FZR1: variants seen among roughly 807,000 people sequenced by gnomAD.
FZR1 encodes fizzy and cell division cycle 20 related 1.
A neutral mutation model predicts 63.6 loss-of-function variants in FZR1; 11 were observed. The observed-to-expected ratio is 0.17, with a 90% CI of 0.11 to 0.29. The LOEUF (loss-of-function observed/expected upper bound fraction) is 0.29, where lower values mean the gene tolerates loss of function less well. FZR1 is among the 10% of genes least tolerant of loss of function. FZR1 has a pLI of 1.00. For missense variants in FZR1, 440 were observed against 687.5 expected (o/e 0.64, Z 4.03); for synonymous variants, 328 against 297.9 (o/e 1.10, Z -1.04).
At chr19:3,521,853 A>AC (rs944736438) in intron 1 of FZR1, among the ~76,000 whole-genome samples, 3 of 132,072 alleles carry the variant, frequency 2.3e-5, no homozygotes, top group African/African-American at 9.6e-5. Context: ...AAATTTTTTC[A>AC]CTTTTTTTTT....
At chr19:3,510,137 T>C (rs1050627614) in intron 1 of FZR1, among the ~76,000 whole-genome samples, 5 of 152,110 alleles carry the variant, frequency 3.3e-5, no homozygotes, top group Non-Finnish European at 5.9e-5. Context: ...ATTTTTTTCT[T>C]TTTTCTTTTT....
chr19:3,512,483 G>A (rs1299049333), intron 1 of FZR1, among the ~76,000 whole-genome samples: 1 of 152,244 alleles, frequency 6.6e-6, no homozygotes, highest in Non-Finnish European at 1.5e-5. Flanking sequence ...CTGGGACTCA[G>A]CCTGGGCTGA....
Position 3,533,591 on chromosome 19 carries a change from C to T in FZR1, c.1347+193C>T, listed in dbSNP as rs903364476. Reference sequence around the variant, plus strand: ...CAGCGTTGGAATGGGCTCTACCGAACTCCCCAGCCCTGCAGGTGCAGGCCC... The same window carrying T: ...CAGCGTTGGAATGGGCTCTACCGAATTCCCCAGCCCTGCAGGTGCAGGCCC... On this transcript the variant is annotated intron_variant, in intron 12 of 13. Coordinates refer to ENST00000441788, the MANE Select transcript of FZR1 (RefSeq NM_016263.4). This position sits in a 1 kb window ranked among gnomAD's most constrained non-coding sequence, Gnocchi z 4.9. 2 of 576,362 alleles carry T rather than the reference C, an allele frequency of 3.5e-6. No individual in the cohort carries two copies. The highest frequency in any genetic ancestry group is 1.9e-5 in the African/African-American group (1 of 53,222). 35.7% of individuals were successfully genotyped at this position (576,362 alleles called of 1,614,324 possible). A position where few individuals can be genotyped will look rare whatever the true frequency, so the allele number is the denominator to read the frequency against.
intron 8 of FZR1, 103 bp downstream of exon 8, chr19:3,530,960 G>A (rs1052694222): frequency 2.5e-5 from 20 of 808,366 alleles, no homozygotes; most frequent in Non-Finnish European, 3.4e-5. Context: ...GCCTGAGGTC[G>A]CCTGTGTCCA....
At chr19:3,524,842 T>C (rs147507144) in intron 2 of FZR1, among the ~76,000 whole-genome samples, 7 of 152,282 alleles carry the variant, frequency 4.6e-5, no homozygotes, top group Non-Finnish European at 1.0e-4. Context: ...TGTTTTCCTC[T>C]TCTTATGAGG....
intron 1 of FZR1, among the ~76,000 whole-genome samples, chr19:3,518,281 C>T (rs772580862): frequency 5.9e-5 from 9 of 152,094 alleles, no homozygotes; most frequent in African/African-American, 9.7e-5. Context: ...CCCACAGTGC[C>T]TCTGTTTGTA....
In FZR1 at chr19:3,533,459, C is replaced by T. The variant is rs982722232; in HGVS notation, c.1347+61C>T. 4.2e-6 allele frequency: 4 copies of T among 953,964 alleles called. No individual in the cohort carries two copies. The African/African-American group carries it at 4.8e-5, about 11-fold the overall frequency. The allele number at this position is 953,964 out of a possible 1,614,324, so 59.1% of individuals were successfully genotyped here. A position where few individuals can be genotyped will look rare whatever the true frequency, so the allele number is the denominator to read the frequency against. On this transcript the variant is annotated intron_variant, in intron 12 of 13. Transcript: ENST00000441788. The surrounding 1 kb of genome is among the most constrained non-coding windows in gnomAD (Gnocchi z 4.9). ...ATTCTGGACAAACTGCCATGGCCAC[C>T]CCAGAGCACCCTGTCCTGTGTTCTT... is the stretch of plus-strand genomic sequence containing the variant.
chr19:3,512,998 AGAG>A lies in FZR1; in HGVS notation c.-35+6527_-35+6529del, dbSNP rs2083034480. Among the ~76,000 whole-genome samples, 8 of 152,226 alleles carry A rather than the reference AGAG, an allele frequency of 5.3e-5. No individual in the cohort carries two copies. In the South Asian group the frequency reaches 1.7e-3, roughly 32 times the overall value. On this transcript the variant is annotated intron_variant, in intron 1 of 13. Transcript: ENST00000441788. Reference sequence around the variant, plus strand: ...ATCTGGTGCTTCTCCCTAGCCCCGCAGAGGATGGCTGGACATCACGCCCAGGCA... The same window carrying A: ...ATCTGGTGCTTCTCCCTAGCCCCGCAGATGGCTGGACATCACGCCCAGGCA...
chr19:3,532,890 G>A lies in FZR1; in HGVS notation c.1242+240G>A, dbSNP rs578060980. The stretch of plus-strand genomic sequence containing the variant: ...GGCCCCCATCGCAGCCACACCTGGC[G>A]GCTCTGTGAGGAGCCGGGGAGCTCC... On this transcript the variant is annotated intron_variant, in intron 11 of 13. Coordinates refer to ENST00000441788, the MANE Select transcript of FZR1 (RefSeq NM_016263.4). 7.2e-5 allele frequency among the ~76,000 whole-genome samples: 11 copies of A among 152,350 alleles called. No homozygotes were observed. The South Asian group carries it at 1.0e-3, about 14-fold the overall frequency.
At position 3,526,529 on chromosome 19, in the gene FZR1, C is replaced by A; in HGVS notation, c.387+143C>A. Reference sequence around the variant, plus strand: ...CAGCACCCCCGCCCTGACCCTGTTCCTTAGCCAGGTCAGGGGCCCTGGGAT... The same window carrying A: ...CAGCACCCCCGCCCTGACCCTGTTCATTAGCCAGGTCAGGGGCCCTGGGAT... On this transcript the variant is annotated intron_variant, in intron 5 of 13. Coordinates refer to ENST00000441788, the MANE Select transcript of FZR1 (RefSeq NM_016263.4). The surrounding 1 kb of genome is among the most constrained non-coding windows in gnomAD (Gnocchi z 5.4). 1 of 646,044 alleles carries A rather than the reference C, an allele frequency of 1.5e-6. No homozygotes were observed. The highest frequency in any genetic ancestry group is 1.9e-5 in the South Asian group (1 of 53,230). 40.0% of individuals were successfully genotyped at this position (646,044 alleles called of 1,614,324 possible). A position where few individuals can be genotyped will look rare whatever the true frequency, so the allele number is the denominator to read the frequency against.
Position 3,525,065 on chromosome 19 carries a change from G to C in FZR1, c.70-803G>C, listed in dbSNP as rs1355312624. 2.6e-5 allele frequency among the ~76,000 whole-genome samples: 4 copies of C among 152,124 alleles called. No homozygotes were observed. The highest frequency in any genetic ancestry group is 9.7e-5 in the African/African-American group (4 of 41,420). ...TCAGATGGGGTTGGAGGGTTAGACG[G>C]GTGTTGTGGGCAGCAGGAGATGGGG... is the stretch of plus-strand genomic sequence containing the variant. On this transcript the variant is annotated intron_variant, in intron 2 of 13. Transcript: ENST00000441788. The surrounding 1 kb of genome is among the most constrained non-coding windows in gnomAD (Gnocchi z 4.2).
chr19:3,517,457 C>T (rs909562369), intron 1 of FZR1, among the ~76,000 whole-genome samples: 11 of 152,060 alleles, frequency 7.2e-5, no homozygotes, highest in Admixed American at 4.6e-4. Flanking sequence ...GAAGCTGAGG[C>T]GTGTGGATCA....
chr19:3,518,751 C>T (rs1442227405), intron 1 of FZR1, among the ~76,000 whole-genome samples: 1 of 152,196 alleles, frequency 6.6e-6, no homozygotes, highest in Admixed American at 6.5e-5. Context: ...CTGGTCCTAG[C>T]TACTCAGAAG....
intron 1 of FZR1, among the ~76,000 whole-genome samples, chr19:3,513,974 A>G (rs545376693): frequency 8.5e-5 from 13 of 152,314 alleles, no homozygotes; most frequent in African/African-American, 2.6e-4. Flanking sequence ...ATATGAAAAC[A>G]GTGGGGACCA....
chr19:3,530,909 C>A, intron 8 of FZR1, 52 bp downstream of exon 8: 1 of 1,439,936 alleles, frequency 6.9e-7, no homozygotes, highest in Non-Finnish European at 9.7e-7. Context: ...GGGCTCTTGA[C>A]AGTGTTGGGG....
At chr19:3,522,324 C>T (rs896853827) in intron 1 of FZR1, among the ~76,000 whole-genome samples, 1 of 152,230 alleles carries the variant, frequency 6.6e-6, no homozygotes, top group African/African-American at 2.4e-5. Context: ...CACACCTCAA[C>T]ATAAATGCCA....
In FZR1 at chr19:3,533,362, C is replaced by T. The variant is rs767895505; in HGVS notation, c.1311C>T (p.Ala437=). ...AGTACCCCTCCCTGACCCAGGTGGC[C>T]AAGCTGACCGGGCACTCCTACCGCG... is the stretch of plus-strand genomic sequence containing the variant. ...VWKYPSLTQV[A]KLTGHSYRVL... is the part of the protein sequence containing the mutation. Residue 437 remains alanine (A), a synonymous_variant, in exon 12 of 14, where the codon GCC becomes GCT. Transcript: ENST00000441788. The surrounding 1 kb of genome is among the most constrained non-coding windows in gnomAD (Gnocchi z 4.9). The T allele has an allele frequency of 6.2e-7, 1 of 1,612,678 alleles. No homozygotes were observed. Among genetic ancestry groups the T allele is most frequent in the Non-Finnish European group, 8.5e-7 (1 of 1,179,404 alleles).
At chr19:3,529,349 T>TGGATGGGAGAGC (rs1370084756) in intron 7 of FZR1, among the ~76,000 whole-genome samples, 1 of 77,662 alleles carries the variant, frequency 1.3e-5, no homozygotes, top group Non-Finnish European at 2.6e-5. Context: ...GTTGAGGGAG[T>TGGATGGGAGAGC]GGATGGGAGA....
At chr19:3,532,386 C>G in intron 10 of FZR1, 31 bp from the exon 11 acceptor site, 1 of 1,536,780 alleles carries the variant, frequency 6.5e-7, no homozygotes, top group South Asian at 1.2e-5. Context: ...AGGGCTGGGA[C>G]AGCCCCGGCC....
Sources: gnomAD v4.1 joint callset for allele counts (sites outside exome capture counted in the v4.1 genomes callset) on GRCh38, gnomAD v4.1.1 for gene constraint, Gnocchi (gnomAD v3.1) non-coding constraint, MANE v1.5 for transcripts, NCBI Gene and HGNC (gene_info 2026-07-23, HGNC 2026-07-21) for gene names.